NOTCH2: variants seen among roughly 807,000 people sequenced by gnomAD.
NOTCH2 encodes notch receptor 2.
In NOTCH2, 29 loss-of-function variants were observed where a neutral mutation model predicts 235.8. That is an observed-to-expected ratio of 0.12 (90% CI 0.09 to 0.17). NOTCH2 has a LOEUF of 0.17. Ranked by LOEUF, NOTCH2 falls within the 10% of genes least tolerant of loss-of-function variation. The pLI is 1.00. For synonymous variants in NOTCH2, 1,086 were observed against 1,141.5 expected (o/e 0.95, Z 0.98); for missense variants, 2,285 against 3,150.2 (o/e 0.73, Z 6.57).
intron 26 of NOTCH2, 105 bp from the exon 27 acceptor site, chr1:119,922,883 T>TCC (rs1177141359): frequency 1.6e-5 from 22 of 1,415,492 alleles, no homozygotes; most frequent in Non-Finnish European, 2.2e-5. Flanking sequence ...CCTCCCTTCC[T>TCC]CCCCTTCAGC....
At chr1:119,922,486 A>G (rs1348262475) in intron 27 of NOTCH2, 40 bp from the exon 28 acceptor site, 4 of 1,597,398 alleles carry the variant, frequency 2.5e-6, no homozygotes, top group Non-Finnish European at 2.6e-6. Flanking sequence ...TGAATAAAAC[A>G]TTAACCTCTC....
chr1:119,954,545 A>G (rs1450455161), intron 13 of NOTCH2, among the ~76,000 whole-genome samples: 2 of 152,180 alleles, frequency 1.3e-5, no homozygotes, highest in Non-Finnish European at 2.9e-5. Flanking sequence ...GAAAATCACT[A>G]ACACATCACA....
intron 2 of NOTCH2, among the ~76,000 whole-genome samples, chr1:120,015,874 TA>T (rs1653429897): frequency 8.6e-6 from 1 of 115,782 alleles, no homozygotes. Flanking sequence ...AACTTCCTGG[TA>T]AAGAGGGGAA....
In NOTCH2 at chr1:119,941,534, G is replaced by A; in HGVS notation, c.2973C>T (p.Cys991=). The change falls in exon 18 of 34, where the codon TGC becomes TGT. Residue 991 remains cysteine, a synonymous_variant. Transcript: ENST00000256646. The part of the protein sequence containing the change: ...GVHCENNINE[C]TESSCFNGGT... ...AGGGACTGGTTGCTCACCTCTCAGT[G>A]CACTCATTGATGTTGTTCTCACAAT... 6.2e-7 allele frequency: 1 copy of A among 1,611,450 alleles called. No homozygotes were observed. Among genetic ancestry groups the A allele is most frequent in the Non-Finnish European group, 8.5e-7 (1 of 1,177,774 alleles).
chr1:119,934,114 A>G (rs1649763218), intron 22 of NOTCH2, among the ~76,000 whole-genome samples: 1 of 152,234 alleles, frequency 6.6e-6, no homozygotes, highest in East Asian at 1.9e-4. Context: ...TAGCTGCTAT[A>G]GCTTGAAGTT....
chr1:119,980,831 G>A (rs1489610764), intron 5 of NOTCH2, among the ~76,000 whole-genome samples: 4 of 152,174 alleles, frequency 2.6e-5, no homozygotes, highest in South Asian at 4.2e-4. Flanking sequence ...GGCATGTGGA[G>A]TTGAGTTCAG....
chr1:120,037,163 C>T (rs1654338010), intron 1 of NOTCH2, among the ~76,000 whole-genome samples: 1 of 151,956 alleles, frequency 6.6e-6, no homozygotes, highest in African/African-American at 2.4e-5. Flanking sequence ...GTGCTTAGAC[C>T]CACTGCTCAA....
chr1:119,977,153 C>T (rs1380489266), intron 5 of NOTCH2, among the ~76,000 whole-genome samples: 2 of 152,040 alleles, frequency 1.3e-5, no homozygotes, highest in Middle Eastern at 3.2e-3. Flanking sequence ...AATAAATATT[C>T]GTTAAATGAA....
At chr1:119,978,129 T>G (rs1651663536) in intron 5 of NOTCH2, among the ~76,000 whole-genome samples, 3 of 151,700 alleles carry the variant, frequency 2.0e-5, no homozygotes, top group African/African-American at 2.4e-5. Context: ...GCGTGCCAGG[T>G]TGTGAAAGAG....
intron 23 of NOTCH2, among the ~76,000 whole-genome samples, chr1:119,926,958 G>A (rs983610097): frequency 2.0e-5 from 3 of 152,194 alleles, no homozygotes; most frequent in Non-Finnish European, 2.9e-5. Context: ...CAAAAAAACA[G>A]TTGAAAAACT....
At chr1:119,920,165 GACA>G in intron 30 of NOTCH2, 61 bp downstream of exon 30, 1 of 1,590,592 alleles carries the variant, frequency 6.3e-7, no homozygotes, top group East Asian at 2.2e-5. Flanking sequence ...CAAACACAGG[GACA>G]ACAATGTGGA....
intron 28 of NOTCH2, 70 bp downstream of exon 28, chr1:119,922,164 TTC>T (rs1421261301): frequency 1.1e-5 from 16 of 1,483,824 alleles, no homozygotes; most frequent in Non-Finnish European, 1.5e-5. Context: ...AAAATCATGA[TTC>T]AACAAGATAT....
intron 22 of NOTCH2, 82 bp downstream of exon 22, chr1:119,935,390 A>G (rs1553195604): frequency 1.2e-6 from 2 of 1,612,754 alleles, no homozygotes; most frequent in East Asian, 4.5e-5. Flanking sequence ...CTTTAATTTT[A>G]TAAAATCCCC....
intron 3 of NOTCH2, among the ~76,000 whole-genome samples, chr1:120,002,365 G>A (rs1201380835): frequency 1.3e-4 from 19 of 150,442 alleles, no homozygotes; most frequent in African/African-American, 4.1e-4. Context: ...ACTCCAGAAC[G>A]GAGGTAAGAA....
chr1:120,011,738 C>T (rs376561344), intron 2 of NOTCH2, among the ~76,000 whole-genome samples: 61 of 152,138 alleles, frequency 4.0e-4, no homozygotes, highest in African/African-American at 8.9e-4. Context: ...ACAGCTAGGC[C>T]GGGCGCGGTG....
At chr1:119,965,695 C>T in intron 9 of NOTCH2, 129 bp from the exon 10 acceptor site, 1 of 764,720 alleles carries the variant, frequency 1.3e-6, no homozygotes, top group Non-Finnish European at 2.4e-6. Context: ...ATTATTCTCC[C>T]CAACAGGTAA....
chr1:119,966,943 A>G (rs1371763018), intron 8 of NOTCH2, among the ~76,000 whole-genome samples: 2 of 152,180 alleles, frequency 1.3e-5, no homozygotes, highest in South Asian at 2.1e-4. Context: ...AATGTTAGCC[A>G]TCATTTCAAG....
chr1:120,053,744 C>A (rs1553214827), intron 1 of NOTCH2, among the ~76,000 whole-genome samples: 1 of 132,358 alleles, frequency 7.6e-6, no homozygotes, highest in African/African-American at 3.3e-5. Flanking sequence ...TGTTCCCAGG[C>A]TATATATTCC....
At chr1:119,918,674 A>G in intron 31 of NOTCH2, 121 bp from the exon 32 acceptor site, 1 of 953,648 alleles carries the variant, frequency 1.0e-6, no homozygotes, top group East Asian at 2.5e-5. Flanking sequence ...GGAGAGGGAA[A>G]GTCTTGTTAT....
Sources: gnomAD v4.1 joint callset for allele counts (sites outside exome capture counted in the v4.1 genomes callset) on GRCh38, gnomAD v4.1.1 for gene constraint, MANE v1.5 for transcripts, NCBI Gene and HGNC (gene_info 2026-07-23, HGNC 2026-07-21) for gene names.